BBOF1: variants seen among roughly 807,000 people sequenced by gnomAD.
BBOF1 encodes basal body-orientation factor 1.
BBOF1 carries 62 observed loss-of-function variants against 68.0 expected under a neutral mutation model. The observed-to-expected ratio is 0.91, with a 90% CI of 0.74 to 1.13. The LOEUF (loss-of-function observed/expected upper bound fraction) is 1.13, where lower values mean the gene tolerates loss of function less well. Ranked by LOEUF, BBOF1 falls within the 50% of genes most tolerant of loss-of-function variation. The pLI is 0.00. For synonymous variants in BBOF1, 208 were observed against 198.8 expected (o/e 1.05, Z -0.39); for missense variants, 534 against 600.1 (o/e 0.89, Z 1.15).
At chr14:74,045,027 C>T (rs964018906) in intron 5 of BBOF1, among the ~76,000 whole-genome samples, 2 of 152,170 alleles carry the variant, frequency 1.3e-5, no homozygotes, top group African/African-American at 4.8e-5. Context: ...AGCGAGCAGG[C>T]CCGGCCAACC....
chr14:74,027,385 CTTTTTTTTTTTT>C (rs35107293), intron 2 of BBOF1, among the ~76,000 whole-genome samples: 6 of 61,100 alleles, frequency 9.8e-5, no homozygotes, highest in South Asian at 6.6e-4. Flanking sequence ...CCTCGCCCAG[CTTTTTTTTTTTT>C]TTTTTTTTTT....
intron 4 of BBOF1, among the ~76,000 whole-genome samples, chr14:74,036,825 C>T (rs2059712479): frequency 1.3e-5 from 2 of 152,116 alleles, no homozygotes; most frequent in Non-Finnish European, 2.9e-5. Flanking sequence ...CATCCACCTC[C>T]ATACTTCCTT....
At chr14:74,029,354 C>A in intron 3 of BBOF1, 105 bp downstream of exon 3, 3 of 688,592 alleles carry the variant, frequency 4.4e-6, no homozygotes, top group Non-Finnish European at 7.7e-6. Flanking sequence ...GTTCTCTGGG[C>A]AGGCTAATGA....
At chr14:74,075,142 A>T in intron 9 of BBOF1, 8 of 788,996 alleles carry the variant, frequency 1.0e-5, no homozygotes, top group Non-Finnish European at 1.7e-5. Flanking sequence ...AAGGCCATAC[A>T]GTCATTAAAG....
chr14:74,022,364 A>G (rs2059322896), intron 1 of BBOF1, among the ~76,000 whole-genome samples: 1 of 152,144 alleles, frequency 6.6e-6, no homozygotes, highest in Non-Finnish European at 1.5e-5. Flanking sequence ...CCTGGGCAAC[A>G]TGGCAAAAAC....
At position 74,064,763 on chromosome 14, in the gene BBOF1, T is replaced by A; in HGVS notation, c.*64T>A. 6.2e-7 allele frequency: 1 copy of A among 1,611,372 alleles called. No homozygotes were observed. Among genetic ancestry groups the A allele is most frequent in the Non-Finnish European group, 8.5e-7 (1 of 1,177,486 alleles). ...CCCTTCCTTGCAGAATCCTTGCTCC[T>A]GAATATCTTTAAGAAAATTTCTTAA... is the stretch of plus-strand genomic sequence containing the variant. On this transcript the variant is annotated 3_prime_UTR_variant, in exon 12 of 12. Coordinates refer to ENST00000394009, the MANE Select transcript of BBOF1 (RefSeq NM_025057.3).
Position 74,040,532 on chromosome 14 carries a change from A to C in BBOF1, c.496-33A>C, listed in dbSNP as rs1035929077. On this transcript the variant is annotated intron_variant, in intron 4 of 11. Coordinates refer to ENST00000394009, the MANE Select transcript of BBOF1 (RefSeq NM_025057.3). ...GCTCAATGACCCCCATTTTCTATTGATCATTTTTGTTTGTTTGTTATTTTA... is the reference window on the plus strand; with the variant it reads ...GCTCAATGACCCCCATTTTCTATTGCTCATTTTTGTTTGTTTGTTATTTTA... 2.9e-6 allele frequency: 4 copies of C among 1,370,078 alleles called. No individual in the cohort carries two copies. In the Admixed American group the frequency reaches 1.0e-4, roughly 34 times the overall value. 84.9% of individuals were successfully genotyped at this position (1,370,078 alleles called of 1,614,324 possible).
Position 74,065,435 on chromosome 14 carries a change from C to G in BBOF1, c.*736C>G, listed in dbSNP as rs958416609. ...GTATTTTATGCTTATTTGGTACTTT[C>G]ACTTACTACACATCATTTACGTGGA... is the stretch of plus-strand genomic sequence containing the variant. On this transcript the variant is annotated 3_prime_UTR_variant, in exon 12 of 12. Transcript: ENST00000394009. 1.4e-5 allele frequency: 18 copies of G among 1,275,808 alleles called. No individual in the cohort carries two copies. In the South Asian group the frequency reaches 2.2e-4, roughly 16 times the overall value. The allele number at this position is 1,275,808 out of a possible 1,614,324, so 79.0% of individuals were successfully genotyped here.
chr14:74,050,715 G>A lies in BBOF1; in HGVS notation c.1286+520G>A, dbSNP rs560266864. Among the ~76,000 whole-genome samples, 13 of 151,968 alleles carry A rather than the reference G, an allele frequency of 8.6e-5. No homozygotes were observed. The South Asian group carries it at 2.5e-3, about 29-fold the overall frequency. ...AATCCAGGTTAAACATTTTTGATAC[G>A]CATACTTTCAGAAATATTTTGTACC... is the stretch of plus-strand genomic sequence containing the variant. On this transcript the variant is annotated intron_variant, in intron 8 of 11. Coordinates refer to ENST00000394009, the MANE Select transcript of BBOF1 (RefSeq NM_025057.3).
At chr14:74,038,003 A>AT (rs1674589416) in intron 4 of BBOF1, among the ~76,000 whole-genome samples, 1 of 126,642 alleles carries the variant, frequency 7.9e-6, no homozygotes, top group Non-Finnish European at 1.6e-5. Flanking sequence ...TTCCCATAGC[A>AT]TTTTCTATCT....
At chr14:74,049,400 G>A (rs187415370) in intron 7 of BBOF1, among the ~76,000 whole-genome samples, 2 of 152,076 alleles carry the variant, frequency 1.3e-5, no homozygotes, top group Admixed American at 6.6e-5. Flanking sequence ...TCAGCCGGGC[G>A]CAGTGGCTCA....
At chr14:74,021,184 T>C (rs1344009061) in intron 1 of BBOF1, among the ~76,000 whole-genome samples, 1 of 152,234 alleles carries the variant, frequency 6.6e-6, no homozygotes, top group Non-Finnish European at 1.5e-5. Context: ...AGTGTTTTGT[T>C]AATGCTTATA....
At chr14:74,054,165 T>C (rs1297594419) in intron 8 of BBOF1, among the ~76,000 whole-genome samples, 1 of 151,640 alleles carries the variant, frequency 6.6e-6, no homozygotes, top group Non-Finnish European at 1.5e-5. Context: ...TGTGAACCAC[T>C]GCGCGCAGCC....
chr14:74,027,201 T>C (rs1261761819), intron 2 of BBOF1, among the ~76,000 whole-genome samples: 1 of 143,966 alleles, frequency 6.9e-6, no homozygotes, highest in Non-Finnish European at 1.5e-5. Context: ...TTCTCCTGCC[T>C]CAGCATCCTG....
chr14:74,071,373 T>C, intron 9 of BBOF1: 1 of 1,614,104 alleles, frequency 6.2e-7, no homozygotes, highest in Non-Finnish European at 8.5e-7. Context: ...GAAAATTGAA[T>C]GGAGCAATGC....
In BBOF1 at chr14:74,043,556, C is replaced by CAA. The variant is rs1162364604; in HGVS notation, c.577-2477_577-2476dup. ...TGGGCAACAGAGCGAGACTCCGTCT[C>CAA]AAAAAAAAAAAAAAAAAAAAAAAAA... On this transcript the variant is annotated intron_variant, in intron 5 of 11. Transcript: ENST00000394009. Among the ~76,000 whole-genome samples, 31 of 26,838 alleles carry CAA rather than the reference C, an allele frequency of 1.2e-3. 1 individual carries two copies. Among genetic ancestry groups the CAA allele is most frequent in the Admixed American group, 1.7e-3 (3 of 1,726 alleles). The allele number at this position is 26,838 out of a possible 152,430, so 17.6% of individuals were successfully genotyped here.
intron 9 of BBOF1, 134 bp from the exon 10 acceptor site, chr14:74,056,772 C>T (rs2060219593): frequency 6.2e-6 from 4 of 640,102 alleles, no homozygotes; most frequent in Admixed American, 3.0e-5. Context: ...ATCTCACGTA[C>T]CCCACAAATA....
chr14:74,082,757 G>C (rs959990815), intron 12 of BBOF1: 1 of 152,066 alleles, frequency 6.6e-6, no homozygotes, highest in Non-Finnish European at 1.5e-5. Context: ...CTCCTAGTTG[G>C]CTGAGGATTA....
At chr14:74,062,144 C>T (rs2060359742) in intron 11 of BBOF1, among the ~76,000 whole-genome samples, 1 of 150,826 alleles carries the variant, frequency 6.6e-6, no homozygotes, top group Non-Finnish European at 1.5e-5. Context: ...TGCAAGTGAG[C>T]CGAGAATGCA....
Sources: allele counts gnomAD v4.1 joint callset (sites outside exome capture counted in the v4.1 genomes callset), GRCh38; gene constraint gnomAD v4.1.1; transcripts MANE v1.5; gene names NCBI Gene and HGNC (gene_info 2026-07-23, HGNC 2026-07-21).